NADK2: variants seen among roughly 807,000 people sequenced by gnomAD.
NADK2 encodes the protein NAD kinase 2, mitochondrial, also known as NAD kinase domain-containing protein 1, mitochondrial.
NADK2 carries 35 observed loss-of-function variants against 62.1 expected under a neutral mutation model. The ratio of observed to expected loss-of-function variants is 0.56; its 90% confidence interval spans 0.43 to 0.75. NADK2 has a LOEUF of 0.75. Among genes scored for constraint, NADK2 ranks in the 30% least tolerant of loss-of-function variants. The pLI is 0.00. For missense variants in NADK2, 439 were observed against 561.3 expected (o/e 0.78, Z 2.20); for synonymous variants, 205 against 207.9 (o/e 0.99, Z 0.12).
rs554791395 is a variant in NADK2 at position 36,241,319 on chromosome 5, C to T, written c.300+180G>A. 151 of 1,225,812 alleles carry T rather than the reference C, an allele frequency of 1.2e-4. 1 individual carries two copies. The South Asian group carries it at 2.5e-3, about 21-fold the overall frequency. The allele number at this position is 1,225,812 out of a possible 1,614,324, so 75.9% of individuals were successfully genotyped here. A position where few individuals can be genotyped will look rare whatever the true frequency, so the allele number is the denominator to read the frequency against. The stretch of plus-strand genomic sequence containing the variant: ...CGGCCCTGCCTCTCCCTCGCACACA[C>T]GCCCAAAGGCAAAGGAGGCCCAGGG... On this transcript the variant is annotated intron_variant, in intron 1 of 11. Transcript: ENST00000381937. The surrounding 1 kb of genome is among the most constrained non-coding windows in gnomAD (Gnocchi z 4.9).
intron 5 of NADK2, 32 bp from the exon 6 acceptor site, chr5:36,217,916 T>G: frequency 6.3e-7 from 1 of 1,587,658 alleles, no homozygotes; most frequent in Non-Finnish European, 8.6e-7. Context: ...CAAATTATGT[T>G]AAAATAGAAT....
chr5:36,217,964 TA>T, intron 5 of NADK2, 80 bp from the exon 6 acceptor site: 1 of 1,322,632 alleles, frequency 7.6e-7, no homozygotes, highest in Non-Finnish European at 1.0e-6. Context: ...TTAACCAAAT[TA>T]AATAGTTAAT....
rs1171751956 is a variant in NADK2, at chr5:36,241,378, C to G, written c.300+121G>C. 7.4e-7 allele frequency: 1 copy of G among 1,349,684 alleles called. No individual in the cohort carries two copies. Among genetic ancestry groups the G allele is most frequent in the Non-Finnish European group, 9.5e-7 (1 of 1,052,888 alleles). 83.6% of individuals were successfully genotyped at this position (1,349,684 alleles called of 1,614,324 possible). A position where few individuals can be genotyped will look rare whatever the true frequency, so the allele number is the denominator to read the frequency against. On this transcript the variant is annotated intron_variant, in intron 1 of 11. Transcript: ENST00000381937. The surrounding 1 kb of genome is among the most constrained non-coding windows in gnomAD (Gnocchi z 4.9). ...GAGGACCTGGGGGCCGCGAGAGAGGCAGGACCGGCATCTGCGGTGCCCTGG... is the reference window on the plus strand; with the variant it reads ...GAGGACCTGGGGGCCGCGAGAGAGGGAGGACCGGCATCTGCGGTGCCCTGG...
intron 1 of NADK2, among the ~76,000 whole-genome samples, chr5:36,232,911 G>A: frequency 6.6e-6 from 1 of 152,036 alleles, no homozygotes; most frequent in East Asian, 1.9e-4. Context: ...TCCACAAATA[G>A]TTCAGGTACC....
At chr5:36,223,922 A>AG (rs1477456211) in intron 4 of NADK2, among the ~76,000 whole-genome samples, 7 of 152,162 alleles carry the variant, frequency 4.6e-5, no homozygotes, top group East Asian at 1.9e-4. Flanking sequence ...GTGAAGGGAG[A>AG]GAAAAAAAAG....
At chr5:36,228,310 C>T (rs943070698) in intron 1 of NADK2, among the ~76,000 whole-genome samples, 19 of 152,122 alleles carry the variant, frequency 1.2e-4, no homozygotes, top group African/African-American at 3.9e-4. Context: ...CCTTAGTGAA[C>T]ACCCATTTAA....
chr5:36,215,335 T>C (rs1747002972), intron 6 of NADK2, among the ~76,000 whole-genome samples: 1 of 152,226 alleles, frequency 6.6e-6, no homozygotes. Flanking sequence ...CTGTGTATAT[T>C]TATGGAGAAC....
chr5:36,240,950 G>A (rs1748086630), intron 1 of NADK2, among the ~76,000 whole-genome samples: 1 of 152,224 alleles, frequency 6.6e-6, no homozygotes, highest in Non-Finnish European at 1.5e-5. Context: ...TCACGCTGAA[G>A]GACTTTCCGG....
chr5:36,228,799 T>A (rs1353348211), intron 1 of NADK2, among the ~76,000 whole-genome samples: 1 of 151,536 alleles, frequency 6.6e-6, no homozygotes, highest in African/African-American at 2.4e-5. Context: ...ATTTTATTTT[T>A]TTTTTTGGTA....
chr5:36,241,732 G>C lies in NADK2; in HGVS notation c.67C>G (p.Leu23Val). Residue 23 changes from leucine (L) to valine (V), a missense_variant, in exon 1 of 12, where the codon CTG becomes GTG. Transcript: ENST00000381937. This position sits in a 1 kb window ranked among gnomAD's most constrained non-coding sequence, Gnocchi z 4.9. ...CRVAGGRAAA[L>V]RGPGAGGPAA... ...GGGCCTCCCGCACCCGGTCCCCGCAGCGCCGCCGCCCGGCCGCCCGCCACG... is the reference window on the plus strand; with the variant it reads ...GGGCCTCCCGCACCCGGTCCCCGCACCGCCGCCGCCCGGCCGCCCGCCACG... 5.6e-6 allele frequency: 7 copies of C among 1,260,510 alleles called. No homozygotes were observed. The highest frequency in any genetic ancestry group is 7.0e-6 in the Non-Finnish European group (7 of 997,866). The allele number at this position is 1,260,510 out of a possible 1,614,324, so 78.1% of individuals were successfully genotyped here.
rs1747093173 is a variant in NADK2 at position 36,217,624 on chromosome 5, T to C, written c.781+124A>G. Reference sequence around the variant, plus strand: ...AAACTTTACAACTGAAGTAATTCACTGTACTTTGTTAAGTGCTATTAATGA... The same window carrying C: ...AAACTTTACAACTGAAGTAATTCACCGTACTTTGTTAAGTGCTATTAATGA... On this transcript the variant is annotated intron_variant, in intron 6 of 11. Transcript: ENST00000381937. 5.1e-6 allele frequency: 5 copies of C among 974,748 alleles called. No homozygotes were observed. In the South Asian group the frequency reaches 7.9e-5, roughly 15 times the overall value. 60.4% of individuals were successfully genotyped at this position (974,748 alleles called of 1,614,324 possible).
chr5:36,222,855 T>G lies in NADK2; in HGVS notation c.560+2687A>C, dbSNP rs1747326510. On this transcript the variant is annotated intron_variant, in intron 4 of 11. Transcript: ENST00000381937. ...TGATGATAGAGTGAGGGAGAGGTAG[T>G]TACAGCTTCAGCACAGATGATTTCA... Among the ~76,000 whole-genome samples the G allele has an allele frequency of 5.9e-5, 9 of 152,276 alleles. No homozygotes were observed. The South Asian group carries it at 1.9e-3, about 32-fold the overall frequency.
At chr5:36,208,968 C>A (rs190425665) in intron 7 of NADK2, among the ~76,000 whole-genome samples, 47 of 152,098 alleles carry the variant, frequency 3.1e-4, no homozygotes, top group African/African-American at 1.1e-3. Context: ...AATACAACCA[C>A]CTTTCTCACA....
rs1747096802 is a variant in NADK2, at chr5:36,217,696, G to A, written c.781+52C>T. The A allele has an allele frequency of 3.7e-6, 6 of 1,608,324 alleles. No individual in the cohort carries two copies. The Admixed American group carries it at 6.7e-5, about 18-fold the overall frequency. ...TACATCAAAAAATTTGAGGTCAAAG[G>A]AGCTATGAGTTAAATATTTCCCCAA... On this transcript the variant is annotated intron_variant, in intron 6 of 11. Coordinates refer to ENST00000381937, the MANE Select transcript of NADK2 (RefSeq NM_001085411.3).
chr5:36,222,943 C>T (rs1275860585), intron 4 of NADK2, among the ~76,000 whole-genome samples: 1 of 152,074 alleles, frequency 6.6e-6, no homozygotes, highest in African/African-American at 2.4e-5. Flanking sequence ...AATTTTAATA[C>T]CACTGGATAT....
At chr5:36,199,818 A>C (rs1469647344) in intron 10 of NADK2, among the ~76,000 whole-genome samples, 2 of 152,052 alleles carry the variant, frequency 1.3e-5, no homozygotes, top group Non-Finnish European at 2.9e-5. Flanking sequence ...TGAGGTAATC[A>C]GGCAAAACTA....
intron 1 of NADK2, among the ~76,000 whole-genome samples, chr5:36,240,223 A>G (rs1440228005): frequency 6.6e-6 from 1 of 152,202 alleles, no homozygotes; most frequent in African/African-American, 2.4e-5. Context: ...TGTATTCTAT[A>G]AACAGTCATT....
At chr5:36,236,253 G>A (rs1196469864) in intron 1 of NADK2, among the ~76,000 whole-genome samples, 2 of 152,216 alleles carry the variant, frequency 1.3e-5, no homozygotes, top group Non-Finnish European at 2.9e-5. Context: ...CTCTAATGGT[G>A]ACACTTCAGC....
intron 1 of NADK2, among the ~76,000 whole-genome samples, chr5:36,236,425 TAA>T (rs1747909817): frequency 1.3e-5 from 2 of 152,194 alleles, no homozygotes; most frequent in Non-Finnish European, 2.9e-5. Context: ...CATAGTCAAA[TAA>T]AAATCATCTT....
Sources: gnomAD v4.1 joint callset for allele counts (sites outside exome capture counted in the v4.1 genomes callset) on GRCh38, gnomAD v4.1.1 for gene constraint, Gnocchi (gnomAD v3.1) non-coding constraint, MANE v1.5 for transcripts, NCBI Gene and HGNC (gene_info 2026-07-23, HGNC 2026-07-21) for gene names.